The following ANK2 variants were observed in gnomAD, a reference collection of about 807,000 sequenced individuals.
The protein encoded by ANK2 is ankyrin-2.
ANK2 carries 83 observed loss-of-function variants against 360.5 expected under a neutral mutation model. The ratio of observed to expected loss-of-function variants is 0.23; its 90% CI spans 0.19 to 0.28. The LOEUF is 0.28. Ranked by LOEUF, ANK2 falls within the 10% of genes least tolerant of loss-of-function variation. The pLI, the probability that ANK2 is intolerant of heterozygous loss-of-function variation, is 1.00. For missense variants in ANK2, 4,201 were observed against 4,795.7 expected, an observed-to-expected ratio of 0.88 and a Z score of 3.66; for synonymous variants, 1,740 against 1,759.5, an observed-to-expected ratio of 0.99 and a Z score of 0.28.
the ANK2 span, chr4:112,797,204 A>G: frequency 2.5e-5 from 4 of 158,274 alleles, no homozygotes; most frequent in African/African-American, 9.6e-5. Flanking sequence ...ATCATCTTTG[A>G]CTGCACTCTC....
chr4:113,104,515 A>G (rs546924912), intron 1 of ANK2, among the ~76,000 whole-genome samples: 58 of 152,164 alleles, frequency 3.8e-4, no homozygotes, highest in Non-Finnish European at 6.2e-4. Flanking sequence ...GGAGTTTGAG[A>G]CCAGCCTGGC....
intron 1 of ANK2, among the ~76,000 whole-genome samples, chr4:113,133,430 T>C (rs969495368): frequency 1.3e-5 from 2 of 152,188 alleles, no homozygotes; most frequent in Non-Finnish European, 2.9e-5. Flanking sequence ...AAGAAAATTA[T>C]GCTTGAATAT....
In ANK2 at chr4:112,990,760, T is replaced by C. The variant is rs140000579; in HGVS notation, c.21+86246T>C. Among the ~76,000 whole-genome samples, 41 of 152,320 alleles carry C rather than the reference T, an allele frequency of 2.7e-4. 1 individual carries two copies. The East Asian group carries it at 7.1e-3, about 27-fold the overall frequency. ...CACCAGGATTCTCCTTTTCCCTCCT[T>C]ACCACCCTCCATGTGCATGGTTGGT... is the stretch of plus-strand genomic sequence containing the variant. On this transcript the variant is annotated intron_variant, in intron 2 of 30. Coordinates refer to the ANK2 transcript ENST00000503271.
At chr4:113,116,688 A>AGC (rs2094818659) in intron 1 of ANK2, among the ~76,000 whole-genome samples, 2 of 152,220 alleles carry the variant, frequency 1.3e-5, no homozygotes, top group Admixed American at 1.3e-4. Flanking sequence ...CGGCAGTAAC[A>AGC]GCAGTAGCAC....
chr4:113,185,344 C>T (rs553837500), intron 2 of ANK2, among the ~76,000 whole-genome samples: 8 of 152,304 alleles, frequency 5.3e-5, no homozygotes, highest in Middle Eastern at 3.4e-3. Flanking sequence ...TGTAAAAGTG[C>T]TCCTATTTCT....
At chr4:113,363,587 G>A in intron 40 of ANK2, 118 bp downstream of exon 40, 4 of 1,066,172 alleles carry the variant, frequency 3.8e-6, no homozygotes, top group East Asian at 4.8e-5. Context: ...GCAGTACAGT[G>A]GGTCCTTGAG....
At chr4:113,209,730 C>T (rs1236586399) in intron 4 of ANK2, among the ~76,000 whole-genome samples, 1 of 151,958 alleles carries the variant, frequency 6.6e-6, no homozygotes, top group Admixed American at 6.5e-5. Flanking sequence ...CATGGAGGTT[C>T]CACATTGGTT....
At chr4:112,793,170 T>C in the ANK2 span, among the ~76,000 whole-genome samples, 5 of 152,162 alleles carry the variant, frequency 3.3e-5, no homozygotes, top group Non-Finnish European at 7.4e-5. Flanking sequence ...GTTTGTTAAA[T>C]CATTTTGTCA....
At chr4:113,345,564 G>A (rs560805291) in intron 34 of ANK2, among the ~76,000 whole-genome samples, 2 of 152,112 alleles carry the variant, frequency 1.3e-5, no homozygotes, top group Non-Finnish European at 2.9e-5. Flanking sequence ...GAGATCTCAA[G>A]TGTTCTCACC....
intron 4 of ANK2, among the ~76,000 whole-genome samples, chr4:113,209,458 C>T (rs774483123): frequency 1.3e-5 from 2 of 151,874 alleles, no homozygotes; most frequent in African/African-American, 2.4e-5. Context: ...GCCCTCTGAA[C>T]GGCCATCTCA....
chr4:113,330,831 A>G (rs1245127851), intron 27 of ANK2, among the ~76,000 whole-genome samples: 1 of 152,258 alleles, frequency 6.6e-6, no homozygotes, highest in Non-Finnish European at 1.5e-5. Context: ...TGTTCCAAGC[A>G]TAAATGTAAA....
At chr4:112,879,334 G>A (rs896470462) in intron 1 of ANK2, among the ~76,000 whole-genome samples, 20 of 152,182 alleles carry the variant, frequency 1.3e-4, no homozygotes, top group African/African-American at 4.8e-4. Context: ...TAGCTCTGGA[G>A]CCAGCTGCCG....
chr4:113,054,438 A>C (rs369699169), intron 1 of ANK2, among the ~76,000 whole-genome samples: 56 of 152,298 alleles, frequency 3.7e-4, no homozygotes, highest in African/African-American at 1.2e-3. Context: ...AGAAATGTGA[A>C]TGAGGTACAT....
At chr4:113,281,516 G>A (rs1451160986) in intron 17 of ANK2, among the ~76,000 whole-genome samples, 2 of 152,120 alleles carry the variant, frequency 1.3e-5, no homozygotes, top group Admixed American at 6.6e-5. Context: ...TCCAGTCTTG[G>A]TGATGGAGCC....
rs2153689085 is a variant in ANK2 at position 113,274,627 on chromosome 4, C to A, written c.1661C>A (p.Ala554Glu). Residue 554 changes from alanine to glutamate, a missense_variant, in exon 15 of 46, where the codon GCA becomes GAA. By Grantham distance (107) the Ala-to-Glu change is moderately radical. Transcript: ENST00000357077. The part of the protein sequence containing the change: ...DVASVLLEAG[A>E]AHSLATKKGF... ...GCATCAGTCCTATTGGAAGCAGGAG[C>A]AGCCCACTCCTTAGCTACCAAGGTA... The A allele has an allele frequency of 2.5e-6, 4 of 1,614,164 alleles. No individual in the cohort carries two copies. Among genetic ancestry groups the A allele is most frequent in the Non-Finnish European group, 3.4e-6 (4 of 1,180,032 alleles).
rs538117236 is a variant in ANK2, at chr4:113,359,339, C to A, written c.10681+40C>A. 2.0e-4 allele frequency: 328 copies of A among 1,609,342 alleles called. 2 individuals carry two copies. In the South Asian group the frequency reaches 3.4e-3, roughly 17 times the overall value. On this transcript the variant is annotated intron_variant, in intron 38 of 45. Transcript: ENST00000357077. ...CCGGGATTCCCTGTGCTACGCATGT[C>A]ATAAAATTGATATAGTTTTTTTGTA...
At chr4:113,065,490 A>T (rs1487559857) in intron 1 of ANK2, among the ~76,000 whole-genome samples, 1 of 152,214 alleles carries the variant, frequency 6.6e-6, no homozygotes, top group Non-Finnish European at 1.5e-5. Context: ...TAACTGTCTT[A>T]TTCCATATAA....
At chr4:113,017,218 T>C (rs1054814923) in intron 2 of ANK2, among the ~76,000 whole-genome samples, 1 of 152,210 alleles carries the variant, frequency 6.6e-6, no homozygotes, top group Admixed American at 6.6e-5. Flanking sequence ...GAAAATTATT[T>C]TATATTCCTT....
intron 1 of ANK2, among the ~76,000 whole-genome samples, chr4:113,067,782 A>C (rs1459502139): frequency 6.6e-6 from 1 of 152,212 alleles, no homozygotes; most frequent in East Asian, 1.9e-4. Context: ...GATTTTAAGA[A>C]GTATTCTTCT....
Sources: gnomAD v4.1 joint callset for allele counts (sites outside exome capture counted in the v4.1 genomes callset) on GRCh38, gnomAD v4.1.1 for gene constraint, MANE v1.5 for transcripts, NCBI Gene and HGNC (gene_info 2026-07-23, HGNC 2026-07-21) for gene names.